AFF3: variants seen among roughly 807,000 people sequenced by gnomAD.
AFF3 encodes the protein ALF transcription elongation factor 3.
Under a neutral mutation model 129.7 loss-of-function variants are expected in AFF3, and 32 were observed. The ratio of observed to expected loss-of-function variants is 0.25; its 90% CI spans 0.19 to 0.33. The LOEUF (loss-of-function observed/expected upper bound fraction) is 0.33, where lower values mean the gene tolerates loss of function less well. Among genes scored for constraint, AFF3 ranks in the 10% least tolerant of loss-of-function variants. The probability of loss-of-function intolerance (pLI) is 1.00; values close to 1 mark genes in which losing one functional copy is unlikely to be tolerated. For missense variants in AFF3, 1,373 were observed against 1,592.0 expected (o/e 0.86, Z 2.34); for synonymous variants, 644 against 635.4 (o/e 1.01, Z -0.20).
At chr2:99,829,153 A>G (rs1229024836) in intron 8 of AFF3, among the ~76,000 whole-genome samples, 1 of 152,218 alleles carries the variant, frequency 6.6e-6, no homozygotes, top group Non-Finnish European at 1.5e-5. Flanking sequence ...TAAACACTGA[A>G]AAAATGTGAG....
chr2:99,753,456 G>A (rs1447465966), intron 8 of AFF3, among the ~76,000 whole-genome samples: 1 of 152,154 alleles, frequency 6.6e-6, no homozygotes, highest in East Asian at 1.9e-4. Flanking sequence ...CAGAAGCAGT[G>A]GTCGATCCAT....
intron 7 of AFF3, among the ~76,000 whole-genome samples, chr2:99,859,948 C>A (rs980914183): frequency 6.6e-6 from 1 of 152,058 alleles, no homozygotes; most frequent in Non-Finnish European, 1.5e-5. Context: ...AAAAGGATAA[C>A]CTAAATAAGT....
intron 7 of AFF3, among the ~76,000 whole-genome samples, chr2:100,005,117 T>C (rs1195132805): frequency 1.3e-5 from 2 of 152,174 alleles, no homozygotes; most frequent in African/African-American, 4.8e-5. Context: ...ACACAGCATG[T>C]TCTTTCCAAT....
intron 4 of AFF3, among the ~76,000 whole-genome samples, chr2:100,017,063 G>C (rs1328409791): frequency 6.6e-6 from 1 of 151,930 alleles, no homozygotes; most frequent in Non-Finnish European, 1.5e-5. Flanking sequence ...GGTGGTGGTG[G>C]TAATGGTGTT....
intron 20 of AFF3, among the ~76,000 whole-genome samples, chr2:99,561,507 T>C (rs943248790): frequency 2.6e-5 from 4 of 152,210 alleles, no homozygotes; most frequent in African/African-American, 9.6e-5. Context: ...CACTTAAAAA[T>C]AGCATTGTCT....
intron 11 of AFF3, among the ~76,000 whole-genome samples, chr2:99,684,114 C>T (rs904007319): frequency 2.0e-5 from 3 of 152,152 alleles, no homozygotes; most frequent in East Asian, 3.9e-4. Context: ...GTCAACAGCT[C>T]TGAGAATTAA....
chr2:99,894,368 G>A (rs1693780675), intron 7 of AFF3, among the ~76,000 whole-genome samples: 1 of 152,010 alleles, frequency 6.6e-6, no homozygotes, highest in African/African-American at 2.4e-5. Flanking sequence ...GGAGGAGGAA[G>A]GGAAGAAAGG....
At chr2:99,801,052 T>C (rs529778629) in intron 8 of AFF3, among the ~76,000 whole-genome samples, 1 of 152,336 alleles carries the variant, frequency 6.6e-6, no homozygotes, top group Non-Finnish European at 1.5e-5. Flanking sequence ...GTTACTTACA[T>C]ATAATTATAC....
At chr2:99,684,574 T>C (rs1208540883) in intron 11 of AFF3, among the ~76,000 whole-genome samples, 1 of 152,094 alleles carries the variant, frequency 6.6e-6, no homozygotes, top group Admixed American at 6.6e-5. Context: ...TGGCTGGAGA[T>C]TGGTAGATGA....
chr2:100,136,628 A>T (rs939006827), intron 1 of AFF3, among the ~76,000 whole-genome samples: 1 of 152,252 alleles, frequency 6.6e-6, no homozygotes, highest in African/African-American at 2.4e-5. Flanking sequence ...ATTTGGAGCT[A>T]TGTGACCGCT....
chr2:99,811,918 G>C (rs979593364), intron 8 of AFF3, among the ~76,000 whole-genome samples: 27 of 152,250 alleles, frequency 1.8e-4, no homozygotes, highest in Non-Finnish European at 1.6e-4. Context: ...CCTGAACACA[G>C]ACAATGAGAG....
At chr2:99,890,692 G>T (rs1450957112) in intron 7 of AFF3, among the ~76,000 whole-genome samples, 2 of 152,210 alleles carry the variant, frequency 1.3e-5, no homozygotes, top group East Asian at 1.9e-4. Context: ...CAGGACTGTG[G>T]GGGTGTTGGG....
At chr2:99,903,414 A>G (rs1694491180) in intron 7 of AFF3, among the ~76,000 whole-genome samples, 1 of 152,200 alleles carries the variant, frequency 6.6e-6, no homozygotes, top group Admixed American at 6.5e-5. Context: ...GAATATTCAA[A>G]ACAATGAAAT....
At chr2:99,778,821 T>G (rs925299599) in intron 8 of AFF3, among the ~76,000 whole-genome samples, 1 of 152,108 alleles carries the variant, frequency 6.6e-6, no homozygotes, top group African/African-American at 2.4e-5. Context: ...TTTTTGTATA[T>G]TGATCTTATA....
intron 8 of AFF3, among the ~76,000 whole-genome samples, chr2:99,754,367 G>A (rs564781310): frequency 1.3e-5 from 2 of 152,226 alleles, no homozygotes; most frequent in South Asian, 2.1e-4. Context: ...AATTTACATT[G>A]TCTGATCCTC....
chr2:99,554,153 G>T (rs556717186), intron 24 of AFF3, among the ~76,000 whole-genome samples, 158 bp downstream of exon 24: 6 of 152,170 alleles, frequency 3.9e-5, no homozygotes, highest in Admixed American at 3.3e-4. Context: ...GGGTGTTTTT[G>T]AACTAGTTAG....
At chr2:99,723,577 C>T (rs1187952639) in intron 11 of AFF3, among the ~76,000 whole-genome samples, 4 of 152,118 alleles carry the variant, frequency 2.6e-5, no homozygotes, top group Non-Finnish European at 5.9e-5. Flanking sequence ...CTGCAGCTGC[C>T]ATGGAGCCTA....
At chr2:100,069,986 G>C (rs1283945145) in intron 4 of AFF3, among the ~76,000 whole-genome samples, 1 of 152,166 alleles carries the variant, frequency 6.6e-6, no homozygotes, top group African/African-American at 2.4e-5. Context: ...GCAAGGTATT[G>C]AAGTGGAAGA....
rs890338552 is a variant in AFF3, at chr2:99,707,541, T to G, written c.1091+19536A>C. 9.2e-6 allele frequency: 9 copies of G among 982,934 alleles called. No homozygotes were observed. The Admixed American group carries it at 5.1e-4, about 55-fold the overall frequency. 60.9% of individuals were successfully genotyped at this position (982,934 alleles called of 1,614,324 possible). The stretch of plus-strand genomic sequence containing the variant: ...TGAAGTTAGGTAGCCTTCTTTGATA[T>G]TGAATTACCAAAGTATCTCGCTGAA... On this transcript the variant is annotated intron_variant, in intron 11 of 24. Transcript: ENST00000672756.
Sources: gnomAD v4.1 joint callset for allele counts (sites outside exome capture counted in the v4.1 genomes callset) on GRCh38, gnomAD v4.1.1 for gene constraint, MANE v1.5 for transcripts, NCBI Gene and HGNC (gene_info 2026-07-23, HGNC 2026-07-21) for gene names.